The following LYPLAL1 variants were observed in gnomAD, a reference collection of about 807,000 sequenced individuals.
The protein encoded by LYPLAL1 is lysophospholipase-like protein 1.
LYPLAL1 carries 23 observed loss-of-function variants against 19.7 expected under a neutral mutation model. That is an observed-to-expected ratio of 1.17 (90% CI 0.84 to 1.65). The LOEUF (loss-of-function observed/expected upper bound fraction) is 1.65, where lower values mean the gene tolerates loss of function less well. Among genes scored for constraint, LYPLAL1 ranks in the 40% most tolerant of loss-of-function variants. The pLI is 0.00. For synonymous variants in LYPLAL1, 119 were observed against 96.3 expected, an observed-to-expected ratio of 1.24 and a Z score of -1.38; for missense variants, 355 against 279.4, an observed-to-expected ratio of 1.27 and a Z score of -1.93.
At chr1:219,350,333 GCATAGAGAT>G in the LYPLAL1 span, among the ~76,000 whole-genome samples, 1 of 152,158 alleles carries the variant, frequency 6.6e-6, no homozygotes, top group South Asian at 2.1e-4. Context: ...GTCTCATGAG[GCATAGAGAT>G]GCCTAAGCCA....
At chr1:219,347,429 T>C in the LYPLAL1 span, among the ~76,000 whole-genome samples, 1 of 152,200 alleles carries the variant, frequency 6.6e-6, no homozygotes, top group Non-Finnish European at 1.5e-5. Context: ...CATATTTCCT[T>C]CTTTGTCACT....
chr1:219,335,438 A>G, the LYPLAL1 span, among the ~76,000 whole-genome samples: 1 of 151,968 alleles, frequency 6.6e-6, no homozygotes, highest in South Asian at 2.1e-4. Context: ...ATATCTTCAC[A>G]TACACATAAG....
the LYPLAL1 span, among the ~76,000 whole-genome samples, chr1:219,242,842 A>G: frequency 1.3e-5 from 2 of 152,274 alleles, no homozygotes; most frequent in South Asian, 4.1e-4. Flanking sequence ...TGGCATAACA[A>G]TTTTTGGTTG....
chr1:219,330,269 T>C, the LYPLAL1 span, among the ~76,000 whole-genome samples: 1 of 152,296 alleles, frequency 6.6e-6, no homozygotes, highest in South Asian at 2.1e-4. Context: ...CTTTCAGGAA[T>C]TTCATGTTGA....
the LYPLAL1 span, among the ~76,000 whole-genome samples, chr1:219,385,297 GCTA>G: frequency 6.6e-6 from 1 of 152,224 alleles, no homozygotes; most frequent in South Asian, 2.1e-4. Context: ...AGAGTGGAAG[GCTA>G]AACTCCAGGG....
chr1:219,184,043 T>TA, intron 2 of LYPLAL1, among the ~76,000 whole-genome samples: 1 of 152,028 alleles, frequency 6.6e-6, no homozygotes, highest in Middle Eastern at 3.4e-3. Context: ...CATTCTATGT[T>TA]ACTTGCATTT....
At chr1:219,365,282 A>G in the LYPLAL1 span, among the ~76,000 whole-genome samples, 1 of 152,108 alleles carries the variant, frequency 6.6e-6, no homozygotes, top group Non-Finnish European at 1.5e-5. Flanking sequence ...CATTTAAGTG[A>G]TTTTCAGCCA....
the LYPLAL1 span, among the ~76,000 whole-genome samples, chr1:219,375,519 A>G: frequency 6.7e-6 from 1 of 148,728 alleles, no homozygotes; most frequent in Non-Finnish European, 1.5e-5. Flanking sequence ...AAAAAAAGGA[A>G]CAAATAGAAG....
At chr1:219,227,938 G>C in the LYPLAL1 span, among the ~76,000 whole-genome samples, 2 of 152,148 alleles carry the variant, frequency 1.3e-5, no homozygotes, top group East Asian at 1.9e-4. Flanking sequence ...GGTTGAGTAA[G>C]CCTAGAGCCC....
chr1:219,184,719 T>C (rs890457153), intron 2 of LYPLAL1, among the ~76,000 whole-genome samples: 2 of 151,990 alleles, frequency 1.3e-5, no homozygotes, highest in Non-Finnish European at 2.9e-5. Flanking sequence ...TTCATTTTGT[T>C]AACACAGTGA....
At chr1:219,277,062 A>G in the LYPLAL1 span, among the ~76,000 whole-genome samples, 1 of 152,218 alleles carries the variant, frequency 6.6e-6, no homozygotes, top group East Asian at 1.9e-4. Flanking sequence ...AGCAGTAGAT[A>G]TCAGAGGTCT....
At chr1:219,327,391 G>T in the LYPLAL1 span, among the ~76,000 whole-genome samples, 3 of 152,136 alleles carry the variant, frequency 2.0e-5, no homozygotes, top group African/African-American at 4.8e-5. Context: ...GGCAAATGAA[G>T]ACAAGAAGAA....
At chr1:219,268,590 C>T in the LYPLAL1 span, among the ~76,000 whole-genome samples, 3 of 151,980 alleles carry the variant, frequency 2.0e-5, no homozygotes, top group Non-Finnish European at 2.9e-5. Context: ...AAATGGGGAA[C>T]AACTGTCAGG....
chr1:219,211,554 G>T lies in LYPLAL1; in HGVS notation c.540G>T (p.Glu180Asp). ...TTCAGTGTCATGGTACTGCAGATGA[G>T]TTAGTTCTTCATTCTTGGGCAGAAG... ...ELFQCHGTAD[E>D]LVLHSWAEET... The change falls in exon 5 of 5, where the codon GAG (glutamate) becomes GAT (aspartate). Residue 180 changes from glutamate (E) to aspartate (D), a missense_variant. By Grantham distance (45) the Glu-to-Asp change is conservative (BLOSUM62 2). Transcript: ENST00000366928. 1 of 1,613,358 alleles carries T rather than the reference G, an allele frequency of 6.2e-7. No homozygotes were observed. The highest frequency in any genetic ancestry group is 8.5e-7 in the Non-Finnish European group (1 of 1,179,508).
chr1:219,228,158 C>A, the LYPLAL1 span, among the ~76,000 whole-genome samples: 1 of 152,190 alleles, frequency 6.6e-6, no homozygotes, highest in African/African-American at 2.4e-5. Context: ...AGTGAGAAAA[C>A]TTCCCTAAAG....
chr1:219,237,065 A>C, the LYPLAL1 span, among the ~76,000 whole-genome samples: 1 of 152,264 alleles, frequency 6.6e-6, no homozygotes, highest in Middle Eastern at 3.4e-3. Context: ...CTGTTAACTA[A>C]AATTTCCCAC....
the LYPLAL1 span, among the ~76,000 whole-genome samples, chr1:219,426,586 C>T: frequency 3.7e-4 from 57 of 152,056 alleles, no homozygotes; most frequent in African/African-American, 1.4e-3. Context: ...ACCACAGCAA[C>T]CCATCAGGTA....
the LYPLAL1 span, among the ~76,000 whole-genome samples, chr1:219,313,003 T>A: frequency 6.6e-6 from 1 of 152,252 alleles, no homozygotes; most frequent in African/African-American, 2.4e-5. Flanking sequence ...TTTTTCTGTT[T>A]AGTATTATAG....
At chr1:219,289,073 G>GTTTTT in the LYPLAL1 span, among the ~76,000 whole-genome samples, 3 of 77,724 alleles carry the variant, frequency 3.9e-5, no homozygotes, top group Non-Finnish European at 5.4e-5. Context: ...GTTACCTCTT[G>GTTTTT]TTTTGTTTTT....
Sources: allele counts gnomAD v4.1 joint callset (sites outside exome capture counted in the v4.1 genomes callset), GRCh38; gene constraint gnomAD v4.1.1; transcripts MANE v1.5; gene names NCBI Gene and HGNC (gene_info 2026-07-23, HGNC 2026-07-21).